CFAP53: variants seen among roughly 807,000 people sequenced by gnomAD.
CFAP53 encodes cilia and flagella associated protein 53, also known as cilia- and flagella-associated protein 53.
In CFAP53, 62 loss-of-function variants were observed where a neutral mutation model predicts 59.7. That is an observed-to-expected ratio of 1.04 (90% confidence interval 0.85 to 1.28). CFAP53 has a LOEUF of 1.28. Among genes scored for constraint, CFAP53 ranks in the 50% most tolerant of loss-of-function variants. The pLI, the probability that CFAP53 is intolerant of heterozygous loss-of-function variation, is 0.00. For synonymous variants in CFAP53, 218 were observed against 205.7 expected, an observed-to-expected ratio of 1.06 and a Z score of -0.51; for missense variants, 629 against 615.6, an observed-to-expected ratio of 1.02 and a Z score of -0.23.
At chr18:50,230,670 G>A (rs2033574524) in intron 7 of CFAP53, among the ~76,000 whole-genome samples, 2 of 152,178 alleles carry the variant, frequency 1.3e-5, no homozygotes, top group African/African-American at 4.8e-5. Context: ...GTCTGAAGTG[G>A]CAGCAGTTCT....
chr18:50,228,816 C>A (rs2033552085), intron 7 of CFAP53, among the ~76,000 whole-genome samples: 1 of 151,604 alleles, frequency 6.6e-6, no homozygotes, highest in Admixed American at 6.6e-5. Context: ...AAACAAAAAA[C>A]AAAACAAAAA....
At chr18:50,264,662 G>C (rs187911245) in intron 1 of CFAP53, among the ~76,000 whole-genome samples, 6 of 152,154 alleles carry the variant, frequency 3.9e-5, no homozygotes, top group Middle Eastern at 3.2e-3. Context: ...ATCACACTCA[G>C]ACACCGGAGG....
intron 3 of CFAP53, among the ~76,000 whole-genome samples, chr18:50,258,569 T>C (rs1287616991): frequency 6.6e-6 from 1 of 152,078 alleles, no homozygotes; most frequent in African/African-American, 2.4e-5. Context: ...CAATACCCTA[T>C]AAGCACGGGC....
Position 50,261,216 on chromosome 18 carries a change from T to G in CFAP53, c.321A>C (p.Leu107Phe). ...RRNKLRELLA[L>F]EENEYFTEMQ... is the part of the protein sequence containing the mutation. The stretch of plus-strand genomic sequence containing the variant: ...TTTCTGTAAAATACTCATTTTCTTC[T>G]AATGCTAAAAGCTCACGTAGCCTGA... The change falls in exon 3 of 8, where the codon TTA (leucine) becomes TTC (phenylalanine). Residue 107 changes from leucine to phenylalanine, a missense_variant. Transcript: ENST00000398545. 1 of 1,496,206 alleles carries G rather than the reference T, an allele frequency of 6.7e-7. No homozygotes were observed. The highest frequency in any genetic ancestry group is 8.9e-7 in the Non-Finnish European group (1 of 1,126,752). The allele number at this position is 1,496,206 out of a possible 1,614,324, so 92.7% of individuals were successfully genotyped here. A position where few individuals can be genotyped will look rare whatever the true frequency, so the allele number is the denominator to read the frequency against.
intron 1 of CFAP53, 122 bp from the exon 2 acceptor site, chr18:50,262,341 C>T: frequency 1.4e-6 from 1 of 711,564 alleles, no homozygotes; most frequent in Non-Finnish European, 2.4e-6. Context: ...ACTAATACAT[C>T]CTACTACAAC....
chr18:50,250,232 AAAAAAG>A (rs2033784666), intron 5 of CFAP53, among the ~76,000 whole-genome samples: 2 of 143,710 alleles, frequency 1.4e-5, no homozygotes, highest in African/African-American at 2.6e-5. Context: ...AAAAAAAAAA[AAAAAAG>A]AGAGAGAGAG....
intron 3 of CFAP53, among the ~76,000 whole-genome samples, chr18:50,252,004 C>G (rs1460116244): frequency 6.6e-6 from 1 of 152,184 alleles, no homozygotes; most frequent in East Asian, 1.9e-4. Context: ...AGCCCTGACT[C>G]CATTTCCTGT....
intron 5 of CFAP53, among the ~76,000 whole-genome samples, chr18:50,248,866 C>T (rs184499041): frequency 6.6e-6 from 1 of 151,562 alleles, no homozygotes; most frequent in East Asian, 1.9e-4. Context: ...CTCATAATAG[C>T]CATAACCTGG....
In CFAP53 at chr18:50,234,100, T is replaced by C. The variant is rs565204557; in HGVS notation, c.1316+4503A>G. Among the ~76,000 whole-genome samples, 7 of 152,298 alleles carry C rather than the reference T, an allele frequency of 4.6e-5. No homozygotes were observed. The East Asian group carries it at 1.3e-3, about 29-fold the overall frequency. ...TCCTAGGGTGTTTAACATAAGCCCA[T>C]TGTAATTACACCCTCAACTATAATC... On this transcript the variant is annotated intron_variant, in intron 7 of 7. Transcript: ENST00000398545.
At position 50,227,601 on chromosome 18, in the gene CFAP53, C is replaced by G. The variant is rs753303156; in HGVS notation, c.1325G>C (p.Arg442Pro). Reference protein sequence around the residue: ...EEKENFARRQRLAQEYRKQLQ... With the variant: ...EEKENFARRQPLAQEYRKQLQ... The stretch of plus-strand genomic sequence containing the variant: ...TTGCTTCCTGTACTCCTGGGCTAAA[C>G]GTTGGCGTCTAAAGTATTAGAAATG... Residue 442 changes from arginine to proline, a missense_variant, in exon 8 of 8, where the codon CGT becomes CCT. By Grantham distance (103) the Arg-to-Pro change is moderately radical. Transcript: ENST00000398545. The G allele has an allele frequency of 1.2e-6, 2 of 1,613,006 alleles. No homozygotes were observed. The highest frequency in any genetic ancestry group is 2.2e-5 in the South Asian group (2 of 91,070).
At chr18:50,230,359 G>A (rs1055186207) in intron 7 of CFAP53, among the ~76,000 whole-genome samples, 5 of 152,152 alleles carry the variant, frequency 3.3e-5, no homozygotes, top group Admixed American at 2.0e-4. Context: ...GGGGAAGGTG[G>A]GGGCTGGAGA....
intron 1 of CFAP53, among the ~76,000 whole-genome samples, chr18:50,263,006 G>A (rs2033909862): frequency 6.6e-6 from 1 of 152,168 alleles, no homozygotes. Flanking sequence ...AGAAATGCAT[G>A]TACCATTTGA....
intron 7 of CFAP53, among the ~76,000 whole-genome samples, chr18:50,230,326 C>A (rs1000977632): frequency 1.3e-5 from 2 of 152,124 alleles, no homozygotes. Flanking sequence ...GGACTTTCAG[C>A]CCCACCCACT....
At chr18:50,263,260 G>C (rs1454135517) in intron 1 of CFAP53, among the ~76,000 whole-genome samples, 1 of 152,108 alleles carries the variant, frequency 6.6e-6, no homozygotes, top group Non-Finnish European at 1.5e-5. Flanking sequence ...GTCATCCTTA[G>C]GTAAGTTGTG....
intron 7 of CFAP53, among the ~76,000 whole-genome samples, chr18:50,237,359 C>CAT (rs1268330249): frequency 2.7e-4 from 17 of 63,328 alleles, no homozygotes; most frequent in East Asian, 1.6e-3. Context: ...TATACGCACA[C>CAT]ATATATATAC....
chr18:50,246,628 T>C (rs1302871186), intron 5 of CFAP53, among the ~76,000 whole-genome samples: 1 of 152,200 alleles, frequency 6.6e-6, no homozygotes, highest in African/African-American at 2.4e-5. Context: ...AAATTGAACT[T>C]TGTCAAAATT....
At chr18:50,232,837 G>C (rs962419867) in intron 7 of CFAP53, among the ~76,000 whole-genome samples, 2 of 152,204 alleles carry the variant, frequency 1.3e-5, no homozygotes, top group Non-Finnish European at 2.9e-5. Flanking sequence ...AGGCTCACAA[G>C]CCCTCCTGTA....
In CFAP53 at chr18:50,259,938, T is replaced by C. The variant is rs143365745; in HGVS notation, c.473+1126A>G. The stretch of plus-strand genomic sequence containing the variant: ...AGGAATTATAGTAACATTATAAATA[T>C]ATAATAGCTCTTGTTCTAAGAGCTG... On this transcript the variant is annotated intron_variant, in intron 3 of 7. Coordinates refer to ENST00000398545, the MANE Select transcript of CFAP53 (RefSeq NM_145020.5). 3.6e-3 allele frequency among the ~76,000 whole-genome samples: 552 copies of C among 152,376 alleles called. 5 individuals are homozygous for C. Among genetic ancestry groups the C allele is most frequent in the African/African-American group, 0.013 (538 of 41,580 alleles).
chr18:50,266,344 C>T lies in CFAP53; in HGVS notation c.61G>A (p.Val21Met). ...ACATATCCTGTGCTTACCACGATCA[C>T]CACTTTGGGGGTGGGGCCCTTAACC... The part of the protein sequence containing the change: ...REVKGPTPKV[V>M]IVRSKPPKGQ... The change falls in exon 1 of 8, where the codon GTG (valine) becomes ATG (methionine). Residue 21 changes from valine (V) to methionine (M), a missense_variant. Coordinates refer to ENST00000398545, the MANE Select transcript of CFAP53 (RefSeq NM_145020.5). 1 of 1,614,224 alleles carries T rather than the reference C, an allele frequency of 6.2e-7. No individual in the cohort carries two copies. The highest frequency in any genetic ancestry group is 8.5e-7 in the Non-Finnish European group (1 of 1,180,012).
Sources: gnomAD v4.1 joint callset for allele counts (sites outside exome capture counted in the v4.1 genomes callset) on GRCh38, gnomAD v4.1.1 for gene constraint, MANE v1.5 for transcripts, NCBI Gene and HGNC (gene_info 2026-07-23, HGNC 2026-07-21) for gene names.